NAALADL2: variants seen among roughly 807,000 people sequenced by gnomAD.
NAALADL2 encodes N-acetylated alpha-linked acidic dipeptidase like 2.
Under a neutral mutation model 87.2 loss-of-function variants are expected in NAALADL2, and 76 were observed. The ratio of observed to expected loss-of-function variants is 0.87; its 90% CI spans 0.72 to 1.05. The LOEUF (loss-of-function observed/expected upper bound fraction) is 1.05, where lower values mean the gene tolerates loss of function less well. NAALADL2 is among the 50% of genes least tolerant of loss of function. The probability of loss-of-function intolerance (pLI) is 0.00; values close to 1 mark genes in which losing one functional copy is unlikely to be tolerated. For missense variants in NAALADL2, 1,089 were observed against 945.8 expected, an observed-to-expected ratio of 1.15 and a Z score of -1.99; for synonymous variants, 354 against 331.0, an observed-to-expected ratio of 1.07 and a Z score of -0.75.
chr3:174,657,041 CTTTTTTTTTTTT>C (rs60569510), intron 2 of NAALADL2, among the ~76,000 whole-genome samples: 1 of 115,818 alleles, frequency 8.6e-6, no homozygotes, highest in Non-Finnish European at 1.7e-5. Flanking sequence ...TTTCCTTCTT[CTTTTTTTTTTTT>C]TTTTTTTGCT....
At chr3:175,460,397 A>C (rs1722935452) in intron 6 of NAALADL2, among the ~76,000 whole-genome samples, 1 of 152,182 alleles carries the variant, frequency 6.6e-6, no homozygotes, top group Non-Finnish European at 1.5e-5. Context: ...TAAATATGTC[A>C]TTATTTTGAC....
rs71164650 is a variant in NAALADL2 at position 175,737,714 on chromosome 3, GTTTTTTTTTTTTT to G, written c.1990+333_1990+345del. ...TAGAATAATACAGTTCAATGATCCA[GTTTTTTTTTTTTT>G]TTTTTTTTTTTTTTTTTAACATTCT... On this transcript the variant is annotated intron_variant, in intron 12 of 13. Transcript: ENST00000454872. 2.9e-3 allele frequency among the ~76,000 whole-genome samples: 160 copies of G among 54,768 alleles called. 2 individuals carry two copies. The highest frequency in any genetic ancestry group is 9.7e-3 in the African/African-American group (118 of 12,168). The allele number at this position is 54,768 out of a possible 152,430, so 35.9% of individuals were successfully genotyped here. A position where few individuals can be genotyped will look rare whatever the true frequency, so the allele number is the denominator to read the frequency against.
At chr3:175,736,249 C>T (rs1232367730) in intron 11 of NAALADL2, among the ~76,000 whole-genome samples, 4 of 151,930 alleles carry the variant, frequency 2.6e-5, no homozygotes, top group East Asian at 1.9e-4. Context: ...TATGTATGTA[C>T]GAAGATTGCA....
chr3:175,572,687 G>A (rs1718265914), intron 9 of NAALADL2, among the ~76,000 whole-genome samples: 1 of 152,170 alleles, frequency 6.6e-6, no homozygotes, highest in African/African-American at 2.4e-5. Flanking sequence ...CAAGAACAGA[G>A]AGACTAGAAG....
chr3:175,223,992 G>T (rs1038081531), intron 2 of NAALADL2, among the ~76,000 whole-genome samples: 1 of 152,136 alleles, frequency 6.6e-6, no homozygotes, highest in Non-Finnish European at 1.5e-5. Flanking sequence ...GAAACTGAGG[G>T]TGGACAATTA....
chr3:175,393,836 G>T (rs971604160), intron 5 of NAALADL2, among the ~76,000 whole-genome samples: 1 of 152,194 alleles, frequency 6.6e-6, no homozygotes, highest in Non-Finnish European at 1.5e-5. Flanking sequence ...TTTGAAAATT[G>T]TCCTAAAAAT....
chr3:174,784,092 TA>T (rs1340237973), intron 3 of NAALADL2, among the ~76,000 whole-genome samples: 1 of 152,184 alleles, frequency 6.6e-6, no homozygotes, highest in Non-Finnish European at 1.5e-5. Context: ...TTTACATCTT[TA>T]CAAATAGATA....
chr3:175,314,746 ATGTAT>A (rs1487221419), intron 4 of NAALADL2, among the ~76,000 whole-genome samples: 21 of 128,150 alleles, frequency 1.6e-4, no homozygotes, highest in African/African-American at 5.1e-4. Context: ...CCGCAACAAA[ATGTAT>A]TGTATAAGTT....
intron 2 of NAALADL2, among the ~76,000 whole-genome samples, chr3:175,215,666 C>A (rs1742406271): frequency 6.6e-6 from 1 of 152,126 alleles, no homozygotes; most frequent in Non-Finnish European, 1.5e-5. Context: ...TTAAGATTAC[C>A]TGCTCACTCC....
At chr3:174,778,018 A>G (rs527918021) in intron 3 of NAALADL2, among the ~76,000 whole-genome samples, 24 of 152,256 alleles carry the variant, frequency 1.6e-4, no homozygotes, top group African/African-American at 5.1e-4. Context: ...TTCCAATGCT[A>G]TGACAATTAC....
intron 1 of NAALADL2, among the ~76,000 whole-genome samples, chr3:175,048,560 G>A (rs1423716223): frequency 6.6e-6 from 1 of 150,912 alleles, no homozygotes; most frequent in Non-Finnish European, 1.5e-5. Context: ...AAAGGAAAGA[G>A]GAAAGGAGAT....
At chr3:175,221,992 G>T (rs1457755978) in intron 2 of NAALADL2, among the ~76,000 whole-genome samples, 1 of 151,952 alleles carries the variant, frequency 6.6e-6, no homozygotes, top group African/African-American at 2.4e-5. Context: ...ATGTTGCCCA[G>T]GCTGGTCTCG....
chr3:175,205,386 A>G (rs998531250), intron 2 of NAALADL2, among the ~76,000 whole-genome samples: 1 of 152,192 alleles, frequency 6.6e-6, no homozygotes, highest in African/African-American at 2.4e-5. Flanking sequence ...GATAACTGGC[A>G]AGCCACATGT....
At chr3:175,062,694 ACTTAAT>A (rs1204835488) in intron 1 of NAALADL2, among the ~76,000 whole-genome samples, 2 of 152,134 alleles carry the variant, frequency 1.3e-5, no homozygotes, top group Admixed American at 6.6e-5. Flanking sequence ...GATTTTATAA[ACTTAAT>A]CTTAACCAAT....
chr3:174,706,164 A>G (rs552940508), intron 2 of NAALADL2, among the ~76,000 whole-genome samples: 5 of 152,350 alleles, frequency 3.3e-5, no homozygotes, highest in South Asian at 2.1e-4. Context: ...CACATACACA[A>G]TCGTCTTTTG....
In NAALADL2 at chr3:175,290,553, C is replaced by T. The variant is rs539752286; in HGVS notation, c.940-33622C>T. On this transcript the variant is annotated intron_variant, in intron 4 of 13. Transcript: ENST00000454872. ...GGTTACATGGGCATATATATGTTTTCGAAACTCCTTGAAATTTATGCCTTG... is the reference window on the plus strand; with the variant it reads ...GGTTACATGGGCATATATATGTTTTTGAAACTCCTTGAAATTTATGCCTTG... Among the ~76,000 whole-genome samples the T allele has an allele frequency of 8.5e-5, 13 of 152,128 alleles. No individual in the cohort carries two copies. In the South Asian group the frequency reaches 2.1e-3, roughly 24 times the overall value.
intron 2 of NAALADL2, among the ~76,000 whole-genome samples, chr3:174,685,842 C>G (rs1363467694): frequency 1.3e-5 from 2 of 148,832 alleles, no homozygotes; most frequent in Admixed American, 1.3e-4. Context: ...CTTCCATAGG[C>G]CGCAGTGTGT....
chr3:174,543,943 G>A (rs1345221969), intron 1 of NAALADL2, among the ~76,000 whole-genome samples: 1 of 151,762 alleles, frequency 6.6e-6, no homozygotes, highest in African/African-American at 2.4e-5. Flanking sequence ...AGGGGGCAGA[G>A]GTTGCAGTGA....
chr3:174,623,179 T>A (rs969754831), intron 2 of NAALADL2, among the ~76,000 whole-genome samples: 17 of 152,184 alleles, frequency 1.1e-4, no homozygotes, highest in Non-Finnish European at 2.2e-4. Flanking sequence ...GATACACAAT[T>A]TACTGGAGAG....
Sources: allele counts gnomAD v4.1 joint callset (sites outside exome capture counted in the v4.1 genomes callset), GRCh38; gene constraint gnomAD v4.1.1; transcripts MANE v1.5; gene names NCBI Gene and HGNC (gene_info 2026-07-23, HGNC 2026-07-21).